MYO10: variants seen among roughly 807,000 people sequenced by gnomAD.
MYO10 encodes myosin X, also known as unconventional myosin-X.
MYO10 carries 133 observed loss-of-function variants against 257.3 expected under a neutral mutation model. The ratio of observed to expected loss-of-function variants is 0.52; its 90% CI spans 0.45 to 0.60. The LOEUF is 0.60. Ranked by LOEUF, MYO10 falls within the 20% of genes least tolerant of loss-of-function variation. The pLI, the probability that MYO10 is intolerant of heterozygous loss-of-function variation, is 0.00. For missense variants in MYO10, 2,399 were observed against 2,635.7 expected (o/e 0.91, Z 1.97); for synonymous variants, 1,104 against 1,028.6 (o/e 1.07, Z -1.40).
Position 16,701,264 on chromosome 5 carries a change from C to T in MYO10, c.3131G>A (p.Ser1044Asn), listed in dbSNP as rs1261508768. ...CAGCACCGTGCTGTCCGCACTGGGG[C>T]TGGTGGGCACCACCGTGTCGTTCAT... ...PYMNDTVVPT[S>N]PSADSTVLLA... Residue 1044 changes from serine to asparagine, a missense_variant, in exon 25 of 41, where the codon AGC (serine) becomes AAC (asparagine). Physicochemically the swap from Ser to Asn is conservative, Grantham distance 46 (BLOSUM62 1). Coordinates refer to ENST00000513610, the MANE Select transcript of MYO10 (RefSeq NM_012334.3). The surrounding 1 kb of genome is among the most constrained non-coding windows in gnomAD (Gnocchi z 8.1). 1 of 1,613,484 alleles carries T rather than the reference C, an allele frequency of 6.2e-7. No individual in the cohort carries two copies. The highest frequency in any genetic ancestry group is 1.3e-5 in the African/African-American group (1 of 74,920).
chr5:16,917,970 C>A (rs1745871926), intron 1 of MYO10, among the ~76,000 whole-genome samples: 1 of 152,168 alleles, frequency 6.6e-6, no homozygotes, highest in Admixed American at 6.5e-5. Context: ...TCTAACCATG[C>A]TAGCCACTTT....
Position 16,681,903 on chromosome 5 carries a change from G to A in MYO10, c.4157C>T (p.Thr1386Ile), listed in dbSNP as rs376754788. The A allele has an allele frequency of 1.2e-6, 2 of 1,613,968 alleles. No homozygotes were observed. Among genetic ancestry groups the A allele is most frequent in the African/African-American group, 1.3e-5 (1 of 75,042 alleles). Residue 1386 changes from threonine (T) to isoleucine (I), a missense_variant, in exon 31 of 41, where the codon ACC becomes ATC. Transcript: ENST00000513610. ...GATGAATTCCTGGCCCTCCACTCTG[G>A]TGTCCCCTTTGGACCTCTGCAGCAG... ...ITLLQRSKGD[T>I]RVEGQEFIVR...
intron 3 of MYO10, among the ~76,000 whole-genome samples, chr5:16,813,747 A>G (rs910614675): frequency 7.9e-5 from 12 of 152,162 alleles, no homozygotes; most frequent in African/African-American, 2.4e-4. Context: ...GGGAGGCCCA[A>G]TCTAATCATG....
intron 3 of MYO10, among the ~76,000 whole-genome samples, chr5:16,802,654 C>CT (rs1246413589): frequency 2.9e-5 from 2 of 69,442 alleles, no homozygotes; most frequent in South Asian, 1.2e-3. Flanking sequence ...GAGACTGTCT[C>CT]TAAAAAAAAA....
chr5:16,773,489 C>A (rs1401255878), intron 9 of MYO10, among the ~76,000 whole-genome samples: 2 of 151,664 alleles, frequency 1.3e-5, no homozygotes, highest in Admixed American at 6.6e-5. Context: ...TAGCAAGAAC[C>A]CCATTTCTAA....
At chr5:16,715,432 C>T (rs1273684244) in intron 19 of MYO10, among the ~76,000 whole-genome samples, 1 of 104,422 alleles carries the variant, frequency 9.6e-6, no homozygotes, top group African/African-American at 3.7e-5. Flanking sequence ...CAGGGTCTCG[C>T]TGGGATTACA....
chr5:16,912,802 G>GCACACACACACACACACACACA (rs70943817), intron 1 of MYO10, among the ~76,000 whole-genome samples: 11 of 111,646 alleles, frequency 9.9e-5, no homozygotes, highest in Non-Finnish European at 1.4e-4. Context: ...CTACCACCCT[G>GCACACACACACACACACACACA]CACACACACA....
At chr5:16,927,688 G>A (rs1485752971) in intron 1 of MYO10, among the ~76,000 whole-genome samples, 1 of 152,176 alleles carries the variant, frequency 6.6e-6, no homozygotes, top group Non-Finnish European at 1.5e-5. Flanking sequence ...AGCAGGCAGG[G>A]AGTCGGACTG....
chr5:16,718,202 G>A (rs1433238568), intron 19 of MYO10, among the ~76,000 whole-genome samples: 8 of 152,178 alleles, frequency 5.3e-5, no homozygotes, highest in Non-Finnish European at 1.2e-4. Context: ...AGCAAGGCTC[G>A]GGACCTGCAG....
chr5:16,755,456 C>T (rs1005666439), intron 18 of MYO10, among the ~76,000 whole-genome samples: 7 of 152,340 alleles, frequency 4.6e-5, no homozygotes, highest in East Asian at 3.9e-4. Context: ...TGAGCCACCG[C>T]GCCCGGCCTG....
intron 1 of MYO10, among the ~76,000 whole-genome samples, chr5:16,923,351 A>G (rs1746041335): frequency 6.7e-6 from 1 of 150,298 alleles, no homozygotes; most frequent in Admixed American, 6.6e-5. Flanking sequence ...CAGTGGCACG[A>G]TCTCAGCTCA....
At chr5:16,764,509 C>A in intron 11 of MYO10, 113 bp from the exon 12 acceptor site, 2 of 1,157,702 alleles carry the variant, frequency 1.7e-6, no homozygotes, top group Non-Finnish European at 2.4e-6. Flanking sequence ...ATCTGGCCCT[C>A]CAGTGTGAAG....
rs545007889 is a variant in MYO10, at chr5:16,731,084, C to T, written c.1930-19839G>A. On this transcript the variant is annotated intron_variant, in intron 19 of 40. Coordinates refer to ENST00000513610, the MANE Select transcript of MYO10 (RefSeq NM_012334.3). ...TTTTGGAGACTGAGTCTCGCTCTGT[C>T]GCCCAGGCTGGAGTGCAGTGGCACG... Among the ~76,000 whole-genome samples, 147 of 148,956 alleles carry T rather than the reference C, an allele frequency of 9.9e-4. 1 individual carries two copies. The highest frequency in any genetic ancestry group is 3.5e-3 in the African/African-American group (140 of 40,256).
At chr5:16,833,830 A>C (rs1743227388) in intron 2 of MYO10, among the ~76,000 whole-genome samples, 1 of 152,190 alleles carries the variant, frequency 6.6e-6, no homozygotes, top group Non-Finnish European at 1.5e-5. Context: ...GAGATCATGC[A>C]CATAAGTATT....
In MYO10 at chr5:16,696,724, C is replaced by T. The variant is rs576785671; in HGVS notation, c.3557-2110G>A. On this transcript the variant is annotated intron_variant, in intron 26 of 40. Coordinates refer to ENST00000513610, the MANE Select transcript of MYO10 (RefSeq NM_012334.3). ...TACAAAAATTAGTCAGGCGTGGTGG[C>T]GCACGCCTGTAATCCCAGCTACTCA... 2.4e-4 allele frequency among the ~76,000 whole-genome samples: 36 copies of T among 152,094 alleles called. No homozygotes were observed. In the South Asian group the frequency reaches 5.6e-3, roughly 24 times the overall value.
At chr5:16,815,356 C>A (rs1742571734) in intron 3 of MYO10, 2 of 669,056 alleles carry the variant, frequency 3.0e-6, no homozygotes, top group South Asian at 1.6e-5. Context: ...CCAAAATATT[C>A]CCAATGAGCA....
At chr5:16,690,581 A>AG (rs1206858199) in intron 27 of MYO10, among the ~76,000 whole-genome samples, 2 of 152,146 alleles carry the variant, frequency 1.3e-5, no homozygotes, top group African/African-American at 2.4e-5. Context: ...GGCCAGGGGC[A>AG]GCAGCCCCCA....
intron 19 of MYO10, among the ~76,000 whole-genome samples, chr5:16,734,243 C>T (rs539004396): frequency 2.0e-5 from 3 of 152,268 alleles, no homozygotes; most frequent in Admixed American, 6.5e-5. Flanking sequence ...CTTCCTTCAG[C>T]GATCCAATTT....
At chr5:16,884,200 G>A (rs1744834301) in intron 1 of MYO10, among the ~76,000 whole-genome samples, 1 of 152,144 alleles carries the variant, frequency 6.6e-6, no homozygotes, top group African/African-American at 2.4e-5. Context: ...AGACCAGCCT[G>A]GGCATCCTGG....
Sources: allele counts gnomAD v4.1 joint callset (sites outside exome capture counted in the v4.1 genomes callset), GRCh38; gene constraint gnomAD v4.1.1; non-coding constraint Gnocchi (gnomAD v3.1); transcripts MANE v1.5; gene names NCBI Gene and HGNC (gene_info 2026-07-23, HGNC 2026-07-21).